The following TENM3 variants were observed in gnomAD, a reference collection of about 807,000 sequenced individuals.
TENM3 encodes the protein teneurin-3.
In TENM3, 63 loss-of-function variants were observed where a neutral mutation model predicts 255.1. The ratio of observed to expected loss-of-function variants is 0.25; its 90% CI spans 0.20 to 0.30. The LOEUF (loss-of-function observed/expected upper bound fraction) is 0.30. Ranked by LOEUF, TENM3 falls within the 10% of genes least tolerant of loss-of-function variation. The probability of loss-of-function intolerance (pLI) is 1.00; values close to 1 mark genes in which losing one functional copy is unlikely to be tolerated. For synonymous variants in TENM3, 1,306 were observed against 1,322.3 expected, an observed-to-expected ratio of 0.99 and a Z score of 0.27; for missense variants, 2,929 against 3,461.1, an observed-to-expected ratio of 0.85 and a Z score of 3.86.
chr4:182,362,555 C>T (rs981977264), intron 3 of TENM3, among the ~76,000 whole-genome samples: 3 of 152,172 alleles, frequency 2.0e-5, no homozygotes, highest in South Asian at 2.1e-4. Context: ...CCTGGTGCGC[C>T]GTTTTTTTAA....
chr4:182,507,468 T>G (rs920749170), intron 3 of TENM3, among the ~76,000 whole-genome samples: 1 of 152,198 alleles, frequency 6.6e-6, no homozygotes, highest in Non-Finnish European at 1.5e-5. Context: ...CTCAGTTTGA[T>G]TTTTCAGGAG....
chr4:182,157,932 C>T (rs1750821331), intron 1 of TENM3, among the ~76,000 whole-genome samples: 1 of 152,186 alleles, frequency 6.6e-6, no homozygotes. Context: ...AGATATGCGT[C>T]CTCTCATATT....
intron 22 of TENM3, among the ~76,000 whole-genome samples, chr4:182,773,072 G>A (rs1764391385): frequency 6.6e-6 from 1 of 152,106 alleles, no homozygotes; most frequent in Admixed American, 6.5e-5. Flanking sequence ...CTGCCACCGA[G>A]GGAGTAAGTC....
chr4:181,764,937 CT>C, the TENM3 span, among the ~76,000 whole-genome samples: 1 of 152,270 alleles, frequency 6.6e-6, no homozygotes, highest in South Asian at 2.1e-4. Flanking sequence ...TCAAGGGATC[CT>C]CCCACCTCAG....
the TENM3 span, among the ~76,000 whole-genome samples, chr4:182,043,309 G>A: frequency 6.6e-6 from 1 of 152,118 alleles, no homozygotes. Context: ...AGACTTTCAC[G>A]TTAAGCTAAA....
chr4:182,242,017 T>TTC (rs1561233025), upstream of TENM3, among the ~76,000 whole-genome samples: 17 of 92,758 alleles, frequency 1.8e-4, 1 homozygote, highest in African/African-American at 9.3e-4. Context: ...TTTTTTTTCC[T>TTC]CTCTCTTTTT....
chr4:182,336,875 G>A (rs1268489682), intron 2 of TENM3, among the ~76,000 whole-genome samples: 1 of 102,184 alleles, frequency 9.8e-6, no homozygotes, highest in East Asian at 2.5e-4. Flanking sequence ...GTGTTCCATT[G>A]TGCTGCCTTT....
chr4:182,757,296 A>T (rs1323378283), intron 22 of TENM3, among the ~76,000 whole-genome samples: 1 of 122,306 alleles, frequency 8.2e-6, no homozygotes, highest in Admixed American at 1.1e-4. Context: ...TGGGTGACAG[A>T]GTGAGACTCC....
At chr4:182,584,894 G>A (rs563806673) in intron 3 of TENM3, among the ~76,000 whole-genome samples, 6 of 152,018 alleles carry the variant, frequency 3.9e-5, no homozygotes, top group Non-Finnish European at 7.4e-5. Flanking sequence ...CACCCACCTC[G>A]GCCTCCCAAA....
At chr4:181,863,694 C>T in the TENM3 span, among the ~76,000 whole-genome samples, 1 of 151,960 alleles carries the variant, frequency 6.6e-6, no homozygotes, top group East Asian at 1.9e-4. Context: ...ATTGCAGGTC[C>T]CCTACTTATG....
At chr4:181,754,727 A>G in the TENM3 span, among the ~76,000 whole-genome samples, 1 of 152,186 alleles carries the variant, frequency 6.6e-6, no homozygotes. Flanking sequence ...CTTGGATAGC[A>G]GGCAAACGCA....
chr4:181,463,939 A>G, the TENM3 span, among the ~76,000 whole-genome samples: 1 of 152,140 alleles, frequency 6.6e-6, no homozygotes, highest in Admixed American at 6.5e-5. Flanking sequence ...ACTTAGCATA[A>G]TGATTCCAAG....
chr4:182,271,203 T>C (rs1023258997), intron 1 of TENM3, among the ~76,000 whole-genome samples: 1 of 152,184 alleles, frequency 6.6e-6, no homozygotes, highest in African/African-American at 2.4e-5. Flanking sequence ...TCAATCTTTG[T>C]AACCAGCTAG....
the TENM3 span, among the ~76,000 whole-genome samples, chr4:181,969,559 T>C: frequency 7.9e-5 from 12 of 152,352 alleles, no homozygotes; most frequent in South Asian, 2.3e-3. Flanking sequence ...TTAACGGGAA[T>C]ACCTGTCTTG....
the TENM3 span, among the ~76,000 whole-genome samples, chr4:182,101,895 C>T: frequency 3.3e-5 from 5 of 152,228 alleles, no homozygotes; most frequent in East Asian, 9.7e-4. Context: ...CATATATATA[C>T]AATTATTATT....
the TENM3 span, among the ~76,000 whole-genome samples, chr4:182,098,196 A>G: frequency 6.6e-6 from 1 of 152,214 alleles, no homozygotes; most frequent in Admixed American, 6.5e-5. Context: ...GATGCTGGGG[A>G]GGATGCAAAG....
At chr4:181,627,707 A>G in the TENM3 span, among the ~76,000 whole-genome samples, 5 of 152,134 alleles carry the variant, frequency 3.3e-5, no homozygotes, top group Non-Finnish European at 5.9e-5. Flanking sequence ...GATGTATATG[A>G]GCCACATTTT....
the TENM3 span, among the ~76,000 whole-genome samples, chr4:181,737,684 T>C: frequency 6.6e-6 from 1 of 152,054 alleles, no homozygotes; most frequent in Non-Finnish European, 1.5e-5. Flanking sequence ...GGAAAACAGA[T>C]TCCTGAGGTA....
At chr4:181,989,613 T>C in the TENM3 span, among the ~76,000 whole-genome samples, 2 of 152,156 alleles carry the variant, frequency 1.3e-5, no homozygotes, top group African/African-American at 4.8e-5. Context: ...GGATTGTTGA[T>C]GTAAAAAGAT....
Sources: allele counts gnomAD v4.1 joint callset (sites outside exome capture counted in the v4.1 genomes callset), GRCh38; gene constraint gnomAD v4.1.1; transcripts MANE v1.5; gene names NCBI Gene and HGNC (gene_info 2026-07-23, HGNC 2026-07-21).